The following SNAP91 variants were observed in gnomAD, a reference collection of about 807,000 sequenced individuals.
SNAP91 encodes the protein clathrin coat assembly protein AP180.
Under a neutral mutation model 100.3 loss-of-function variants are expected in SNAP91, and 27 were observed. The observed-to-expected ratio is 0.27, with a 90% CI of 0.20 to 0.37. The LOEUF (loss-of-function observed/expected upper bound fraction) is 0.37. Among genes scored for constraint, SNAP91 ranks in the 10% least tolerant of loss-of-function variants. The pLI, the probability that SNAP91 is intolerant of heterozygous loss-of-function variation, is 1.00. For missense variants in SNAP91, 986 were observed against 1,123.7 expected, an observed-to-expected ratio of 0.88 and a Z score of 1.75; for synonymous variants, 404 against 398.6, an observed-to-expected ratio of 1.01 and a Z score of -0.16.
chr6:83,605,637 T>C (rs1307454798), intron 14 of SNAP91, 48 bp downstream of exon 14: 3 of 1,546,522 alleles, frequency 1.9e-6, no homozygotes, highest in Non-Finnish European at 2.6e-6. Flanking sequence ...GTAAAAACAA[T>C]GAAATAAAAT....
At chr6:83,672,609 T>C (rs2098803764) in intron 2 of SNAP91, among the ~76,000 whole-genome samples, 1 of 152,146 alleles carries the variant, frequency 6.6e-6, no homozygotes, top group African/African-American at 2.4e-5. Context: ...TATGGATCCC[T>C]AGTACCTACC....
At chr6:83,579,948 GC>G (rs1171748902) in intron 24 of SNAP91, among the ~76,000 whole-genome samples, 4 of 152,086 alleles carry the variant, frequency 2.6e-5, no homozygotes, top group African/African-American at 9.7e-5. Flanking sequence ...GTTTGTGTCT[GC>G]CCTTCCTAAG....
intron 3 of SNAP91, among the ~76,000 whole-genome samples, chr6:83,664,463 A>G (rs138312107): frequency 2.0e-4 from 31 of 152,216 alleles, no homozygotes; most frequent in Non-Finnish European, 3.4e-4. Flanking sequence ...TTCAGCCCCT[A>G]TGGATGACTT....
chr6:83,686,083 C>T lies in SNAP91; in HGVS notation c.131-20502G>A. 3.7e-6 allele frequency: 3 copies of T among 818,202 alleles called. No homozygotes were observed. The South Asian group carries it at 1.7e-4, about 46-fold the overall frequency. The allele number at this position is 818,202 out of a possible 1,614,324, so 50.7% of individuals were successfully genotyped here. On this transcript the variant is annotated intron_variant, in intron 2 of 29. Coordinates refer to ENST00000369694, the MANE Select transcript of SNAP91 (RefSeq NM_001242792.2). ...TAGACCAGTAGATGCACAGTAGACA[C>T]TGATTAAATGTTTGTTGTGAACCTG...
At chr6:83,575,174 A>C in intron 25 of SNAP91, 53 bp from the exon 26 acceptor site, 1 of 1,256,690 alleles carries the variant, frequency 8.0e-7, no homozygotes. Flanking sequence ...CAAATCAGAA[A>C]AAAATGGTGT....
chr6:83,665,580 A>C lies in SNAP91; in HGVS notation c.132T>G (p.Tyr44Ter). 6.2e-7 allele frequency: 1 copy of C among 1,605,732 alleles called. No individual in the cohort carries two copies. The highest frequency in any genetic ancestry group is 8.5e-7 in the Non-Finnish European group (1 of 1,177,530). ...VMGPKKKHLD[Y>*]LIQATNETNV... is the part of the protein sequence containing the mutation. ...TGGTCTCGTTGGTAGCCTGGATCAA[A>C]TCTATGAAAATAGAAGATATTAATC... The change falls in exon 3 of 30, where the codon TAT (tyrosine) becomes TAG (stop). Residue 44 changes from tyrosine to a stop codon, truncating the protein, a stop_gained and splice_region_variant. Transcript: ENST00000369694. LOFTEE classifies it high-confidence loss of function.
In SNAP91 at chr6:83,601,257, C is replaced by A. The variant is rs749271904; in HGVS notation, c.1324+14G>T. On this transcript the variant is annotated intron_variant, in intron 16 of 29. Coordinates refer to ENST00000369694, the MANE Select transcript of SNAP91 (RefSeq NM_001242792.2). ...AATCCTGAAAAAATGAAAGTAGCAG[C>A]GAGACTAACTAACCTCCAAAGAGAT... The A allele has an allele frequency of 6.2e-7, 1 of 1,611,796 alleles. No homozygotes were observed. The highest frequency in any genetic ancestry group is 8.5e-7 in the Non-Finnish European group (1 of 1,178,680).
At chr6:83,600,523 A>AC (rs912890508) in intron 16 of SNAP91, among the ~76,000 whole-genome samples, 9 of 152,194 alleles carry the variant, frequency 5.9e-5, no homozygotes, top group African/African-American at 2.2e-4. Flanking sequence ...GGACATTGGT[A>AC]CCACACAGAT....
intron 10 of SNAP91, 31 bp downstream of exon 10, chr6:83,616,938 A>G (rs1584038190): frequency 7.4e-7 from 1 of 1,350,502 alleles, no homozygotes; most frequent in Middle Eastern, 2.2e-4. Flanking sequence ...AGTATTTTTC[A>G]TCTTATTTAG....
At chr6:83,557,515 A>G (rs1192774815) in intron 28 of SNAP91, among the ~76,000 whole-genome samples, 1 of 142,268 alleles carries the variant, frequency 7.0e-6, no homozygotes, top group South Asian at 2.2e-4. Flanking sequence ...AAAAAATAAT[A>G]AAAAAAAAAA....
rs974847831 is a variant in SNAP91 at position 83,553,708 on chromosome 6, A to T, written c.*588T>A. 2.6e-5 allele frequency: 4 copies of T among 152,136 alleles called. No homozygotes were observed. Among genetic ancestry groups the T allele is most frequent in the African/African-American group, 9.7e-5 (4 of 41,446 alleles). 9.4% of individuals were successfully genotyped at this position (152,136 alleles called of 1,614,324 possible). The stretch of plus-strand genomic sequence containing the variant: ...ATGGACGTTAACCTTTATATTTTTT[A>T]AAATAAAATTTCTTAACATATACAG... On this transcript the variant is annotated 3_prime_UTR_variant, in exon 30 of 30. Coordinates refer to ENST00000369694, the MANE Select transcript of SNAP91 (RefSeq NM_001242792.2).
At chr6:83,585,061 C>T (rs1164725751) in intron 22 of SNAP91, among the ~76,000 whole-genome samples, 1 of 152,130 alleles carries the variant, frequency 6.6e-6, no homozygotes, top group African/African-American at 2.4e-5. Context: ...AAAATAATTG[C>T]TATAATGAAG....
In SNAP91 at chr6:83,626,904, G is replaced by A. The variant is rs1276761962; in HGVS notation, c.766-3562C>T. On this transcript the variant is annotated intron_variant, in intron 8 of 29. Transcript: ENST00000369694. Reference sequence around the variant, plus strand: ...TTCCAGTATTATGCTGAATAGTAGTGGTGAAAGTGGGCATCATTTTCTTGT... The same window carrying A: ...TTCCAGTATTATGCTGAATAGTAGTAGTGAAAGTGGGCATCATTTTCTTGT... Among the ~76,000 whole-genome samples the A allele has an allele frequency of 2.0e-5, 3 of 151,960 alleles. No homozygotes were observed. The East Asian group carries it at 5.8e-4, about 29-fold the overall frequency.
intron 2 of SNAP91, among the ~76,000 whole-genome samples, chr6:83,700,604 T>G (rs1364083146): frequency 6.6e-6 from 1 of 151,220 alleles, no homozygotes; most frequent in Non-Finnish European, 1.5e-5. Flanking sequence ...AAGAAAGAGA[T>G]TTCAGATAGT....
intron 10 of SNAP91, among the ~76,000 whole-genome samples, chr6:83,616,140 G>A (rs2096473271): frequency 6.6e-6 from 1 of 152,168 alleles, no homozygotes; most frequent in Non-Finnish European, 1.5e-5. Context: ...ACAATACTGA[G>A]CAGTTCAAGA....
chr6:83,575,137 C>G lies in SNAP91; in HGVS notation c.2331-16G>C. On this transcript the variant is annotated splice_polypyrimidine_tract_variant and intron_variant, in intron 25 of 29. Transcript: ENST00000369694. Reference sequence around the variant, plus strand: ...AAGATCTCCCCTAAAATTAACCATGCAAAACAAGCAAACAAACAAAAAATC... The same window carrying G: ...AAGATCTCCCCTAAAATTAACCATGGAAAACAAGCAAACAAACAAAAAATC... The G allele has an allele frequency of 6.5e-7, 1 of 1,529,676 alleles. No homozygotes were observed. Among genetic ancestry groups the G allele is most frequent in the Non-Finnish European group, 9.0e-7 (1 of 1,111,338 alleles). The allele number at this position is 1,529,676 out of a possible 1,614,324, so 94.8% of individuals were successfully genotyped here. A position where few individuals can be genotyped will look rare whatever the true frequency, so the allele number is the denominator to read the frequency against.
At chr6:83,648,742 T>C (rs1356811437) in intron 7 of SNAP91, among the ~76,000 whole-genome samples, 1 of 143,966 alleles carries the variant, frequency 6.9e-6, no homozygotes, top group African/African-American at 2.4e-5. Context: ...ATATGCTTAT[T>C]AGCCATTTTA....
chr6:83,596,502 T>G (rs1239072871), intron 16 of SNAP91, among the ~76,000 whole-genome samples: 1 of 152,148 alleles, frequency 6.6e-6, no homozygotes, highest in African/African-American at 2.4e-5. Context: ...CCAATAATAT[T>G]GCAAAGAGTA....
chr6:83,617,039 C>T lies in SNAP91; in HGVS notation c.808G>A (p.Ala270Thr). The T allele has an allele frequency of 1.3e-6, 2 of 1,533,254 alleles. No homozygotes were observed. Among genetic ancestry groups the T allele is most frequent in the Non-Finnish European group, 1.8e-6 (2 of 1,137,178 alleles). 95.0% of individuals were successfully genotyped at this position (1,533,254 alleles called of 1,614,324 possible). The change falls in exon 10 of 30, where the codon GCT becomes ACT. Residue 270 changes from alanine to threonine, a missense_variant and splice_region_variant. This residue lies in a region of SNAP91 where 330 missense variants were observed against 447.5 expected (regional missense o/e 0.74). Transcript: ENST00000369694. ...AGCGTCTCCATAAGACTGCTGGGAGCCTACAATAAGAAAGTAAAAATAAAT... is the reference window on the plus strand; with the variant it reads ...AGCGTCTCCATAAGACTGCTGGGAGTCTACAATAAGAAAGTAAAAATAAAT... Reference protein sequence around the residue: ...DKGDIPDLTQAPSSLMETLEQ... With the variant: ...DKGDIPDLTQTPSSLMETLEQ...
Sources: gnomAD v4.1 joint callset for allele counts (sites outside exome capture counted in the v4.1 genomes callset) on GRCh38, gnomAD v4.1.1 for gene constraint, gnomAD v4.1.1 regional missense constraint, MANE v1.5 for transcripts, NCBI Gene and HGNC (gene_info 2026-07-23, HGNC 2026-07-21) for gene names.